Variants in ERBB4 observed in about 807,000 individuals in gnomAD.
ERBB4 encodes the protein erb-b2 receptor tyrosine kinase 4, also known as receptor tyrosine-protein kinase erbB-4.
In ERBB4, 42 loss-of-function variants were observed where a neutral mutation model predicts 158.0. That is an observed-to-expected ratio of 0.27 (90% CI 0.21 to 0.34). The LOEUF is 0.34. ERBB4 is among the 10% of genes least tolerant of loss of function. The probability of loss-of-function intolerance (pLI) is 1.00; values close to 1 mark genes in which losing one functional copy is unlikely to be tolerated. For missense variants in ERBB4, 1,333 were observed against 1,624.1 expected (o/e 0.82, Z 3.08); for synonymous variants, 583 against 558.7 (o/e 1.04, Z -0.61).
chr2:212,164,307 C>T (rs753590922), intron 1 of ERBB4, among the ~76,000 whole-genome samples: 24 of 151,538 alleles, frequency 1.6e-4, no homozygotes, highest in Non-Finnish European at 3.5e-4. Flanking sequence ...AAAAAAACAA[C>T]AAAATATAAA....
chr2:211,878,194 CG>C (rs1447816602), intron 3 of ERBB4, among the ~76,000 whole-genome samples: 6 of 152,060 alleles, frequency 3.9e-5, no homozygotes, highest in African/African-American at 1.4e-4. Context: ...AATCTTCCAT[CG>C]AAATTTATCT....
At chr2:211,604,253 G>A (rs1411151104) in intron 19 of ERBB4, among the ~76,000 whole-genome samples, 1 of 152,134 alleles carries the variant, frequency 6.6e-6, no homozygotes, top group African/African-American at 2.4e-5. Flanking sequence ...TATAAACATA[G>A]TGGGTCACGA....
intron 16 of ERBB4, among the ~76,000 whole-genome samples, chr2:211,648,040 T>G (rs146055079): frequency 2.0e-5 from 3 of 151,858 alleles, no homozygotes; most frequent in African/African-American, 7.2e-5. Context: ...TCATTTAATG[T>G]AATGAATTTA....
chr2:211,486,942 T>G (rs9941626), intron 20 of ERBB4, among the ~76,000 whole-genome samples: 40,489 of 151,790 alleles, frequency 0.27, 6,443 homozygotes, highest in African/African-American at 0.45. Context: ...CTTCATCAGA[T>G]AATATATTCT....
At chr2:212,296,135 T>G (rs928165096) in intron 1 of ERBB4, among the ~76,000 whole-genome samples, 1 of 151,942 alleles carries the variant, frequency 6.6e-6, no homozygotes, top group Non-Finnish European at 1.5e-5. Flanking sequence ...AGCACTATAT[T>G]AGGTACTTTA....
Position 212,438,291 on chromosome 2 carries a change from T to C in ERBB4, c.82+100158A>G, listed in dbSNP as rs1305070620. ...CTATATAAATTCTAGTAAGTTATTA[T>C]CCACTTTCAGTTGTCTTCACGTTTA... On this transcript the variant is annotated intron_variant, in intron 1 of 27. Transcript: ENST00000342788. 2.0e-5 allele frequency among the ~76,000 whole-genome samples: 3 copies of C among 152,142 alleles called. No individual in the cohort carries two copies. The South Asian group carries it at 6.2e-4, about 31-fold the overall frequency.
At chr2:212,193,819 T>G (rs1225632500) in intron 1 of ERBB4, among the ~76,000 whole-genome samples, 1 of 152,100 alleles carries the variant, frequency 6.6e-6, no homozygotes, top group Non-Finnish European at 1.5e-5. Context: ...TCAATTAGAA[T>G]ACTAAAAAAT....
intron 20 of ERBB4, among the ~76,000 whole-genome samples, chr2:211,532,171 G>C (rs1239082752): frequency 2.0e-5 from 3 of 151,632 alleles, no homozygotes; most frequent in Non-Finnish European, 4.4e-5. Context: ...AAGTAGGTAT[G>C]GTCAATGGGT....
chr2:212,113,524 A>G (rs904605995), intron 2 of ERBB4, among the ~76,000 whole-genome samples: 1 of 137,574 alleles, frequency 7.3e-6, no homozygotes, highest in Non-Finnish European at 1.5e-5. Context: ...CAGTGAGCCG[A>G]GATCATGCCA....
chr2:212,369,646 C>T (rs2090015783), intron 1 of ERBB4, among the ~76,000 whole-genome samples: 1 of 151,942 alleles, frequency 6.6e-6, no homozygotes, highest in Non-Finnish European at 1.5e-5. Flanking sequence ...GTCATTTAAC[C>T]TTGCTCTCTA....
chr2:211,943,774 G>A (rs1281073207), intron 3 of ERBB4, among the ~76,000 whole-genome samples: 1 of 151,992 alleles, frequency 6.6e-6, no homozygotes, highest in Non-Finnish European at 1.5e-5. Context: ...TATTGTCTCA[G>A]TCACAACCAA....
chr2:212,398,790 T>C (rs546559869), intron 1 of ERBB4, among the ~76,000 whole-genome samples: 20 of 152,158 alleles, frequency 1.3e-4, no homozygotes, highest in African/African-American at 4.8e-4. Flanking sequence ...AAAAAAAAAG[T>C]GATTACACCA....
chr2:212,536,253 T>C (rs1287976688), intron 1 of ERBB4, among the ~76,000 whole-genome samples: 1 of 150,370 alleles, frequency 6.7e-6, no homozygotes, highest in Non-Finnish European at 1.5e-5. Context: ...GTAACTTGTT[T>C]TTATAATAGC....
intron 5 of ERBB4, among the ~76,000 whole-genome samples, chr2:211,731,564 A>T (rs1030796668): frequency 2.0e-5 from 3 of 152,102 alleles, no homozygotes; most frequent in African/African-American, 4.8e-5. Context: ...TTTAAAAGAA[A>T]TCTCTTCTAC....
chr2:211,896,235 A>C (rs772880560), intron 3 of ERBB4, among the ~76,000 whole-genome samples: 2 of 152,218 alleles, frequency 1.3e-5, no homozygotes, highest in Non-Finnish European at 2.9e-5. Flanking sequence ...AAATTTAACA[A>C]GTCCAAAATT....
At chr2:211,737,923 C>T (rs752066910) in intron 5 of ERBB4, among the ~76,000 whole-genome samples, 2 of 151,904 alleles carry the variant, frequency 1.3e-5, no homozygotes, top group South Asian at 2.1e-4. Context: ...TATGAATATA[C>T]CCTGAATCCC....
intron 1 of ERBB4, among the ~76,000 whole-genome samples, chr2:212,157,839 T>G (rs2081087714): frequency 6.6e-6 from 1 of 152,032 alleles, no homozygotes; most frequent in Admixed American, 6.6e-5. Flanking sequence ...TTCCTAAGTC[T>G]TTGGACTAGT....
intron 1 of ERBB4, among the ~76,000 whole-genome samples, chr2:212,527,561 AACAGCTTCAGCTTCAGAAC>A (rs1202325116): frequency 6.6e-6 from 1 of 152,104 alleles, no homozygotes; most frequent in African/African-American, 2.4e-5. Context: ...AAGTTTCTAA[AACAGCTTCAGCTTCAGAAC>A]CCCTCTATTG....
chr2:211,648,932 C>T (rs917534301), intron 16 of ERBB4, among the ~76,000 whole-genome samples: 5 of 151,788 alleles, frequency 3.3e-5, no homozygotes, highest in Admixed American at 1.3e-4. Context: ...TGTTCTCATA[C>T]GAAACCACAA....
Sources: gnomAD v4.1 joint callset for allele counts (sites outside exome capture counted in the v4.1 genomes callset) on GRCh38, gnomAD v4.1.1 for gene constraint, MANE v1.5 for transcripts, NCBI Gene and HGNC (gene_info 2026-07-23, HGNC 2026-07-21) for gene names.